SPMAP2L: variants seen among roughly 807,000 people sequenced by gnomAD.
SPMAP2L encodes the protein sperm microtubule associated protein 2 like.
At chr4:56,601,061 A>G in the SPMAP2L span, 1 of 1,535,264 alleles carries the variant, frequency 6.5e-7, no homozygotes, top group Non-Finnish European at 8.7e-7. Flanking sequence ...GCTACTACTC[A>G]TTCCAAAGCA....
At chr4:56,571,649 C>G in the SPMAP2L span, among the ~76,000 whole-genome samples, 2 of 151,978 alleles carry the variant, frequency 1.3e-5, no homozygotes, top group East Asian at 3.9e-4. Flanking sequence ...AGTTCAAGAC[C>G]AACCTGGGCA....
the SPMAP2L span, chr4:56,594,685 C>A: frequency 1.5e-6 from 2 of 1,294,584 alleles, no homozygotes; most frequent in Non-Finnish European, 1.1e-6. Flanking sequence ...GTGGGAATAT[C>A]AATGCAGTTC....
chr4:56,590,159 G>A, the SPMAP2L span, among the ~76,000 whole-genome samples: 1 of 152,030 alleles, frequency 6.6e-6, no homozygotes, highest in East Asian at 1.9e-4. Context: ...TGTCATAGAG[G>A]GCTCTTATTA....
chr4:56,623,818 A>G, the SPMAP2L span, among the ~76,000 whole-genome samples: 2 of 152,004 alleles, frequency 1.3e-5, no homozygotes, highest in African/African-American at 4.8e-5. Context: ...GTCCAATTAA[A>G]CCTCTTTTTC....
the SPMAP2L span, chr4:56,594,510 G>A: frequency 2.5e-6 from 4 of 1,607,450 alleles, no homozygotes; most frequent in Non-Finnish European, 3.4e-6. Flanking sequence ...CCAAACAGGG[G>A]AGCCCAGGGA....
the SPMAP2L span, chr4:56,601,211 G>A: frequency 3.4e-6 from 4 of 1,173,234 alleles, no homozygotes; most frequent in Non-Finnish European, 4.6e-6. Flanking sequence ...GTAGAAATAT[G>A]AAAAGAACTT....
chr4:56,591,481 A>G, the SPMAP2L span, among the ~76,000 whole-genome samples: 1 of 152,212 alleles, frequency 6.6e-6, no homozygotes, highest in South Asian at 2.1e-4. Flanking sequence ...TTCATCATCA[A>G]TTAAATAGCA....
chr4:56,581,061 C>G, the SPMAP2L span, among the ~76,000 whole-genome samples: 1 of 151,806 alleles, frequency 6.6e-6, no homozygotes, highest in African/African-American at 2.4e-5. Context: ...CAAAAATAGT[C>G]AAATTCATAG....
At chr4:56,593,959 C>T in the SPMAP2L span, 16 of 1,608,870 alleles carry the variant, frequency 9.9e-6, no homozygotes, top group Non-Finnish European at 1.4e-5. Context: ...ATGACGTGTT[C>T]TTTGATACCT....
At chr4:56,561,601 A>G in the SPMAP2L span, among the ~76,000 whole-genome samples, 2 of 152,126 alleles carry the variant, frequency 1.3e-5, no homozygotes, top group Non-Finnish European at 2.9e-5. Context: ...ATCCAGTCTC[A>G]AGAGAGTGAG....
chr4:56,543,036 C>T, the SPMAP2L span, among the ~76,000 whole-genome samples: 1 of 151,660 alleles, frequency 6.6e-6, no homozygotes, highest in African/African-American at 2.4e-5. Context: ...TCATCCTGTA[C>T]GTGTACTTTT....
At chr4:56,560,642 G>A in the SPMAP2L span, among the ~76,000 whole-genome samples, 9 of 152,172 alleles carry the variant, frequency 5.9e-5, 1 homozygote, top group African/African-American at 2.2e-4. Flanking sequence ...TGCCCAGGCT[G>A]GTCTCGAACT....
the SPMAP2L span, among the ~76,000 whole-genome samples, chr4:56,592,274 T>C: frequency 7.4e-3 from 1,122 of 152,350 alleles, 16 homozygotes; most frequent in African/African-American, 0.026. Flanking sequence ...AATTGTCTTC[T>C]GTGAAACTGG....
the SPMAP2L span, chr4:56,595,380 T>C: frequency 8.7e-6 from 14 of 1,603,362 alleles, no homozygotes; most frequent in Non-Finnish European, 1.1e-5. Flanking sequence ...TTGAGCCCAC[T>C]GAGTCGGAGG....
chr4:56,579,010 T>C, the SPMAP2L span, among the ~76,000 whole-genome samples: 1 of 151,918 alleles, frequency 6.6e-6, no homozygotes, highest in Non-Finnish European at 1.5e-5. Flanking sequence ...TCAACAATAA[T>C]AGTTGGACAC....
the SPMAP2L span, among the ~76,000 whole-genome samples, chr4:56,571,146 C>G: frequency 1.3e-5 from 2 of 150,654 alleles, no homozygotes; most frequent in African/African-American, 4.9e-5. Flanking sequence ...AAACAAAAAA[C>G]CTTTTTGACT....
the SPMAP2L span, among the ~76,000 whole-genome samples, chr4:56,545,340 C>CA: frequency 6.6e-6 from 1 of 152,158 alleles, no homozygotes; most frequent in East Asian, 1.9e-4. Flanking sequence ...TTTATGTAAG[C>CA]AACCTCAAAT....
chr4:56,537,844 C>T, the SPMAP2L span, among the ~76,000 whole-genome samples: 15 of 152,258 alleles, frequency 9.9e-5, no homozygotes, highest in African/African-American at 3.4e-4. Context: ...AGGTGCCCGC[C>T]ACCACGCCCG....
At chr4:56,602,801 G>A in the SPMAP2L span, among the ~76,000 whole-genome samples, 1 of 152,198 alleles carries the variant, frequency 6.6e-6, no homozygotes, top group Non-Finnish European at 1.5e-5. Context: ...GTAAGGTGCT[G>A]AGAGTGGCCA....
Sources: gnomAD v4.1 joint callset for allele counts (sites outside exome capture counted in the v4.1 genomes callset) on GRCh38, gnomAD v4.1.1 for gene constraint, MANE v1.5 for transcripts, NCBI Gene and HGNC (gene_info 2026-07-23, HGNC 2026-07-21) for gene names.